The following KIF18A variants were observed in gnomAD, a reference collection of about 807,000 sequenced individuals.
KIF18A encodes the protein kinesin-like protein KIF18A.
In KIF18A, 67 loss-of-function variants were observed where a neutral mutation model predicts 103.3. The observed-to-expected ratio is 0.65, with a 90% CI of 0.53 to 0.79. The LOEUF is 0.79. KIF18A is among the 30% of genes least tolerant of loss of function. The pLI, the probability that KIF18A is intolerant of heterozygous loss-of-function variation, is 0.00. For missense variants in KIF18A, 1,032 were observed against 1,062.5 expected (o/e 0.97, Z 0.40); for synonymous variants, 367 against 355.5 (o/e 1.03, Z -0.36).
chr11:28,059,871 G>T (rs1265092560), intron 12 of KIF18A, among the ~76,000 whole-genome samples: 1 of 151,730 alleles, frequency 6.6e-6, no homozygotes, highest in Admixed American at 6.6e-5. Context: ...CATATTTTAG[G>T]TATACAACAT....
At chr11:28,052,637 A>C (rs1053227868) in intron 13 of KIF18A, among the ~76,000 whole-genome samples, 14 of 152,000 alleles carry the variant, frequency 9.2e-5, no homozygotes, top group African/African-American at 2.4e-4. Flanking sequence ...AACTCCCTTT[A>C]TTTCTTTCTT....
intron 12 of KIF18A, among the ~76,000 whole-genome samples, chr11:28,059,937 T>C (rs1748311448): frequency 1.3e-5 from 2 of 152,046 alleles, no homozygotes; most frequent in Admixed American, 1.3e-4. Context: ...TACCTCTCCT[T>C]TAAGTTAAAT....
rs752027442 is a variant in KIF18A, at chr11:28,083,147, A to G, written c.1149+22T>C. On this transcript the variant is annotated intron_variant, in intron 8 of 16. Transcript: ENST00000263181. ...AAATGAAGAACTGCGCAAGACTAGC[A>G]TAAAAATATAAACAGACATACCTCT... The G allele has an allele frequency of 1.1e-5, 18 of 1,572,820 alleles. 1 individual carries two copies. In the South Asian group the frequency reaches 2.1e-4, roughly 18 times the overall value.
chr11:28,028,164 C>G (rs1850345334), intron 15 of KIF18A, among the ~76,000 whole-genome samples: 2 of 151,230 alleles, frequency 1.3e-5, no homozygotes, highest in Non-Finnish European at 3.0e-5. Flanking sequence ...GATAAAAACT[C>G]TCACCAAGCG....
At chr11:28,036,168 G>C (rs1850484825) in intron 14 of KIF18A, 49 bp downstream of exon 14, 1 of 1,231,422 alleles carries the variant, frequency 8.1e-7, no homozygotes, top group South Asian at 1.6e-5. Context: ...ACTAATAGTT[G>C]AAAGTCTATG....
At chr11:28,025,001 A>G (rs1214886945) in intron 15 of KIF18A, among the ~76,000 whole-genome samples, 1 of 152,052 alleles carries the variant, frequency 6.6e-6, no homozygotes, top group Non-Finnish European at 1.5e-5. Flanking sequence ...ACAGTAAGAG[A>G]TTAACAATAA....
intron 13 of KIF18A, among the ~76,000 whole-genome samples, chr11:28,054,528 G>C (rs1850753699): frequency 6.6e-6 from 1 of 152,144 alleles, no homozygotes; most frequent in South Asian, 2.1e-4. Context: ...TAAAAGCACT[G>C]CATGTGTGTG....
intron 15 of KIF18A, 87 bp from the exon 16 acceptor site, chr11:28,023,937 A>G: frequency 1.8e-6 from 1 of 568,388 alleles, no homozygotes; most frequent in Non-Finnish European, 3.0e-6. Context: ...CAATGATTAA[A>G]GAAATAAAAC....
chr11:28,104,130 C>G (rs1851477652), intron 1 of KIF18A, among the ~76,000 whole-genome samples: 1 of 152,132 alleles, frequency 6.6e-6, no homozygotes, highest in Admixed American at 6.5e-5. Flanking sequence ...TAAAGATTCA[C>G]CCCTAATTAT....
chr11:28,048,080 GC>G (rs550671630), intron 13 of KIF18A, among the ~76,000 whole-genome samples: 73 of 152,162 alleles, frequency 4.8e-4, no homozygotes, highest in African/African-American at 1.7e-3. Flanking sequence ...AAAGGAAGAG[GC>G]AGTTAATTCA....
At chr11:28,076,934 TGAA>T in intron 10 of KIF18A, 70 bp downstream of exon 10, 1 of 564,338 alleles carries the variant, frequency 1.8e-6, no homozygotes, top group Non-Finnish European at 2.5e-6. Context: ...AGACTCCTTC[TGAA>T]AAAAAAAAAA....
At chr11:28,092,833 AAT>A (rs1239076263) in intron 3 of KIF18A, among the ~76,000 whole-genome samples, 1 of 152,206 alleles carries the variant, frequency 6.6e-6, no homozygotes, top group Non-Finnish European at 1.5e-5. Context: ...AATATGAAGA[AAT>A]ATTTTTAAAT....
chr11:28,029,640 C>T (rs1237500178), intron 15 of KIF18A, among the ~76,000 whole-genome samples: 5 of 152,144 alleles, frequency 3.3e-5, no homozygotes, highest in African/African-American at 1.2e-4. Context: ...TGCCCTCTCT[C>T]ACCACTCCTA....
intron 15 of KIF18A, among the ~76,000 whole-genome samples, chr11:28,028,241 C>A (rs1306293580): frequency 6.6e-6 from 1 of 152,134 alleles, no homozygotes; most frequent in Non-Finnish European, 1.5e-5. Flanking sequence ...TTCAGCACCA[C>A]ACTGCACTTA....
At chr11:28,059,468 CT>C (rs1419841151) in intron 12 of KIF18A, among the ~76,000 whole-genome samples, 3 of 152,162 alleles carry the variant, frequency 2.0e-5, no homozygotes, top group African/African-American at 4.8e-5. Flanking sequence ...GGGTCTCACT[CT>C]GTGGCCCAGG....
chr11:28,088,297 C>A (rs185206378), intron 6 of KIF18A, among the ~76,000 whole-genome samples: 1 of 151,988 alleles, frequency 6.6e-6, no homozygotes, highest in African/African-American at 2.4e-5. Context: ...GTATTCATTA[C>A]TTTCTATTTA....
intron 16 of KIF18A, among the ~76,000 whole-genome samples, chr11:28,022,841 T>G (rs573611358): frequency 6.6e-6 from 1 of 152,274 alleles, no homozygotes; most frequent in South Asian, 2.1e-4. Context: ...TTTACCAATA[T>G]AGTTTGACAA....
In KIF18A at chr11:28,084,820, A is replaced by G. The variant is rs995623588; in HGVS notation, c.898-12T>C. On this transcript the variant is annotated splice_polypyrimidine_tract_variant and intron_variant, in intron 6 of 16. Transcript: ENST00000263181. The stretch of plus-strand genomic sequence containing the variant: ...TGCTGATTCTTTCTCTGAAAGCACA[A>G]AAAAGAGATCTTATGTCATTTTCCA... 6.2e-7 allele frequency: 1 copy of G among 1,603,024 alleles called. No homozygotes were observed. Among genetic ancestry groups the G allele is most frequent in the African/African-American group, 1.3e-5 (1 of 74,550 alleles).
intron 1 of KIF18A, among the ~76,000 whole-genome samples, chr11:28,105,517 C>T (rs780589681): frequency 1.4e-4 from 21 of 152,112 alleles, no homozygotes; most frequent in Non-Finnish European, 2.5e-4. Flanking sequence ...TAAATTAATA[C>T]GTCTATCACC....
Sources: allele counts gnomAD v4.1 joint callset (sites outside exome capture counted in the v4.1 genomes callset), GRCh38; gene constraint gnomAD v4.1.1; transcripts MANE v1.5; gene names NCBI Gene and HGNC (gene_info 2026-07-23, HGNC 2026-07-21).